Variants in OTOGL observed in about 807,000 individuals in gnomAD.
OTOGL encodes the protein otogelin-like protein.
In OTOGL, 285 loss-of-function variants were observed where a neutral mutation model predicts 318.5. That is an observed-to-expected ratio of 0.89 (90% CI 0.81 to 0.99). The LOEUF is 0.99. OTOGL is among the 50% of genes least tolerant of loss of function. OTOGL has a pLI of 0.00. For synonymous variants in OTOGL, 987 were observed against 936.5 expected, an observed-to-expected ratio of 1.05 and a Z score of -0.99; for missense variants, 2,899 against 2,845.6, an observed-to-expected ratio of 1.02 and a Z score of -0.43.
At chr12:80,148,548 C>G (rs924796958) in intron 1 of OTOGL, among the ~76,000 whole-genome samples, 1 of 150,902 alleles carries the variant, frequency 6.6e-6, no homozygotes, top group Non-Finnish European at 1.5e-5. Flanking sequence ...TTGCTCTTCT[C>G]GAGGAGTATC....
chr12:80,318,473 T>C (rs1887110941), intron 32 of OTOGL, 73 bp from the exon 33 acceptor site: 1 of 1,060,542 alleles, frequency 9.4e-7, no homozygotes, highest in East Asian at 3.2e-5. Context: ...TATTAAAACA[T>C]TTCTTTGAAA....
chr12:80,221,798 A>T lies in OTOGL; in HGVS notation c.335-293A>T, dbSNP rs558115608. On this transcript the variant is annotated intron_variant, in intron 6 of 58. Coordinates refer to ENST00000547103, the MANE Select transcript of OTOGL (RefSeq NM_001378609.3). ...GCTTTATTACTATCACCTTTTACTG[A>T]ATTATTTTCCATACTCCTTTTTTTC... Among the ~76,000 whole-genome samples the T allele has an allele frequency of 2.0e-5, 3 of 152,162 alleles. No homozygotes were observed. In the South Asian group the frequency reaches 6.2e-4, roughly 32 times the overall value.
intron 8 of OTOGL, among the ~76,000 whole-genome samples, chr12:80,232,237 C>T (rs1189094446): frequency 6.6e-6 from 1 of 152,056 alleles, no homozygotes; most frequent in African/African-American, 2.4e-5. Context: ...TGAGTATCAC[C>T]TCTATGCAAT....
intron 1 of OTOGL, among the ~76,000 whole-genome samples, chr12:80,131,557 T>C (rs1871241453): frequency 6.6e-6 from 1 of 152,234 alleles, no homozygotes; most frequent in African/African-American, 2.4e-5. Context: ...CTGCATGTTT[T>C]ATTTAGTTTA....
intron 37 of OTOGL, among the ~76,000 whole-genome samples, chr12:80,329,745 G>C (rs762078876): frequency 6.6e-6 from 1 of 152,142 alleles, no homozygotes; most frequent in Non-Finnish European, 1.5e-5. Flanking sequence ...GTATAATGTA[G>C]GTCAAGTTCA....
intron 56 of OTOGL, among the ~76,000 whole-genome samples, chr12:80,371,785 T>C (rs1425970631): frequency 2.0e-5 from 3 of 152,158 alleles, no homozygotes; most frequent in Non-Finnish European, 4.4e-5. Flanking sequence ...AGAATAATCC[T>C]TTTACACTCT....
At chr12:80,252,349 C>A in intron 13 of OTOGL, 148 bp downstream of exon 13, 1 of 877,624 alleles carries the variant, frequency 1.1e-6, no homozygotes, top group Non-Finnish European at 1.6e-6. Context: ...CTTGAAGTGA[C>A]AAGGAGGAAT....
chr12:80,170,782 C>A (rs760512143), intron 1 of OTOGL, among the ~76,000 whole-genome samples: 2 of 152,036 alleles, frequency 1.3e-5, no homozygotes, highest in African/African-American at 4.8e-5. Context: ...ATTTTGTATA[C>A]TCTGTCAGTT....
At chr12:80,159,361 G>T (rs1421703958) in intron 1 of OTOGL, among the ~76,000 whole-genome samples, 10 of 152,194 alleles carry the variant, frequency 6.6e-5, no homozygotes, top group African/African-American at 2.4e-4. Flanking sequence ...ATCATTTAGG[G>T]AGGATTCCCT....
chr12:80,312,506 A>T (rs1886699483), intron 30 of OTOGL, among the ~76,000 whole-genome samples: 1 of 152,216 alleles, frequency 6.6e-6, no homozygotes, highest in Non-Finnish European at 1.5e-5. Context: ...CCCATAAACA[A>T]AACCTCTTTG....
At chr12:80,220,808 A>C (rs1026230670) in intron 6 of OTOGL, among the ~76,000 whole-genome samples, 3 of 152,138 alleles carry the variant, frequency 2.0e-5, no homozygotes, top group Non-Finnish European at 4.4e-5. Flanking sequence ...GAAGGTGATA[A>C]ATACACAACA....
chr12:80,196,880 C>T (rs546901398), intron 1 of OTOGL, among the ~76,000 whole-genome samples: 3 of 152,252 alleles, frequency 2.0e-5, no homozygotes, highest in East Asian at 1.9e-4. Context: ...TGGTTAAGGC[C>T]ATGAGGGGAA....
At chr12:80,144,727 G>A (rs1872215213) in intron 1 of OTOGL, among the ~76,000 whole-genome samples, 1 of 152,104 alleles carries the variant, frequency 6.6e-6, no homozygotes, top group Admixed American at 6.5e-5. Flanking sequence ...GTTGTTTCCT[G>A]ACTTTATAAT....
At chr12:80,377,404 T>C (rs187287210) in intron 58 of OTOGL, among the ~76,000 whole-genome samples, 23 of 152,262 alleles carry the variant, frequency 1.5e-4, no homozygotes, top group African/African-American at 4.8e-4. Context: ...TTCTGAATGA[T>C]GGTTGCAATC....
At chr12:80,308,756 G>A (rs925992774) in intron 29 of OTOGL, among the ~76,000 whole-genome samples, 1 of 152,232 alleles carries the variant, frequency 6.6e-6, no homozygotes. Context: ...CTCGCGGTTA[G>A]GAGCTGGAGA....
At chr12:80,332,669 A>G (rs1194871364) in intron 37 of OTOGL, among the ~76,000 whole-genome samples, 2 of 152,198 alleles carry the variant, frequency 1.3e-5, no homozygotes, top group East Asian at 3.8e-4. Context: ...TAGTGATACT[A>G]TTAATATTTT....
In OTOGL at chr12:80,279,173, C is replaced by G; in HGVS notation, c.2928+7C>G. The G allele has an allele frequency of 1.3e-6, 2 of 1,577,580 alleles. No homozygotes were observed. The highest frequency in any genetic ancestry group is 1.7e-6 in the Non-Finnish European group (2 of 1,169,296). On this transcript the variant is annotated splice_region_variant and intron_variant, in intron 26 of 58. Coordinates refer to ENST00000547103, the MANE Select transcript of OTOGL (RefSeq NM_001378609.3). Reference sequence around the variant, plus strand: ...CCAGGTGTTTTTGATAAAGGTAGGTCACAGTTACACATTTTTATTTGCATT... The same window carrying G: ...CCAGGTGTTTTTGATAAAGGTAGGTGACAGTTACACATTTTTATTTGCATT...
chr12:80,123,530 A>G (rs1197208439), intron 1 of OTOGL, among the ~76,000 whole-genome samples: 2 of 150,994 alleles, frequency 1.3e-5, no homozygotes, highest in South Asian at 2.1e-4. Context: ...ATGATTTATA[A>G]TCCTTTGGGT....
At chr12:80,328,518 C>A in intron 35 of OTOGL, 147 bp from the exon 36 acceptor site, 1 of 621,982 alleles carries the variant, frequency 1.6e-6, no homozygotes, top group Non-Finnish European at 2.8e-6. Flanking sequence ...AACGAAGTAG[C>A]AGATGGAGCA....
Sources: gnomAD v4.1 joint callset for allele counts (sites outside exome capture counted in the v4.1 genomes callset) on GRCh38, gnomAD v4.1.1 for gene constraint, MANE v1.5 for transcripts, NCBI Gene and HGNC (gene_info 2026-07-23, HGNC 2026-07-21) for gene names.